The following UBAP1 variants were observed in gnomAD, a reference collection of about 807,000 sequenced individuals.
UBAP1 encodes ubiquitin associated protein 1.
A neutral mutation model predicts 39.0 loss-of-function variants in UBAP1; 5 were observed. That is an observed-to-expected ratio of 0.13 (90% CI 0.07 to 0.27). The LOEUF (loss-of-function observed/expected upper bound fraction) is 0.27, where lower values mean the gene tolerates loss of function less well. Ranked by LOEUF, UBAP1 falls within the 10% of genes least tolerant of loss-of-function variation. UBAP1 has a pLI of 1.00. For synonymous variants in UBAP1, 211 were observed against 225.1 expected, an observed-to-expected ratio of 0.94 and a Z score of 0.56; for missense variants, 490 against 608.1, an observed-to-expected ratio of 0.81 and a Z score of 2.04.
At chr9:34,249,678 C>T in intron 4 of UBAP1, 101 bp from the exon 5 acceptor site, 1 of 1,150,676 alleles carries the variant, frequency 8.7e-7, no homozygotes, top group Non-Finnish European at 1.3e-6. Flanking sequence ...TTTCTTGGGG[C>T]TTGAATAGTG....
intron 1 of UBAP1, chr9:34,191,907 G>A (rs1830742751): frequency 6.6e-6 from 1 of 151,194 alleles, no homozygotes; most frequent in Admixed American, 6.6e-5. Context: ...AAGTGGATTT[G>A]TGAACAAAAA....
chr9:34,249,825 G>A lies in UBAP1; in HGVS notation c.1130G>A (p.Ser377Asn). ...GTGTCACAAGTGCCCAACATGCCCA[G>A]CTGTCCCCAGGCCTATTCTGAACTG... Reference protein sequence around the residue: ...FSVSQVPNMPSCPQAYSELQM... With the variant: ...FSVSQVPNMPNCPQAYSELQM... Residue 377 changes from serine (S) to asparagine (N), a missense_variant, in exon 5 of 7, where the codon AGC becomes AAC. Ser to Asn is a conservative substitution (Grantham distance 46, BLOSUM62 1). This residue lies in a region of UBAP1 where 339 missense variants were observed against 390.0 expected (regional missense o/e 0.87). Coordinates refer to ENST00000297661, the MANE Select transcript of UBAP1 (RefSeq NM_016525.5). 1.2e-6 allele frequency: 2 copies of A among 1,614,182 alleles called. No individual in the cohort carries two copies. Among genetic ancestry groups the A allele is most frequent in the East Asian group, 2.2e-5 (1 of 44,882 alleles).
At chr9:34,180,662 CTG>C (rs1230152330) in intron 1 of UBAP1, among the ~76,000 whole-genome samples, 1 of 152,026 alleles carries the variant, frequency 6.6e-6, no homozygotes, top group Non-Finnish European at 1.5e-5. Context: ...TAAATAGCTA[CTG>C]TGTGTTGCAA....
chr9:34,179,542 C>CT (rs1206745444), intron 1 of UBAP1, among the ~76,000 whole-genome samples: 1 of 151,926 alleles, frequency 6.6e-6, no homozygotes, highest in Non-Finnish European at 1.5e-5. Flanking sequence ...TCGGGCTGGA[C>CT]TGAGAACTCG....
chr9:34,200,528 T>G (rs1452204682), intron 1 of UBAP1, among the ~76,000 whole-genome samples: 1 of 152,240 alleles, frequency 6.6e-6, no homozygotes, highest in Non-Finnish European at 1.5e-5. Flanking sequence ...GCCAACCTGA[T>G]CTAAACTTTT....
chr9:34,211,058 A>G (rs1378046950), intron 1 of UBAP1, among the ~76,000 whole-genome samples: 1 of 152,110 alleles, frequency 6.6e-6, no homozygotes, highest in Non-Finnish European at 1.5e-5. Context: ...GCTAGCTTTT[A>G]ATTTTGTCAA....
intron 1 of UBAP1, among the ~76,000 whole-genome samples, chr9:34,195,171 A>T (rs1393725485): frequency 6.6e-6 from 1 of 151,646 alleles, no homozygotes; most frequent in African/African-American, 2.4e-5. Context: ...GTGTCTTATA[A>T]GAAGTTTTTG....
chr9:34,241,658 T>G lies in UBAP1; in HGVS notation c.633T>G (p.Asp211Glu). ...GAGGCTCTGGGTCTGTGTTACAGGA[T>G]GAGGAGGTCCTGGCATCCTTGGAAC... ...PRGGSGSVLQ[D>E]EEVLASLERA... The change falls in exon 4 of 7, where the codon GAT becomes GAG. Residue 211 changes from aspartate to glutamate, a missense_variant. Physicochemically the swap from Asp to Glu is conservative, Grantham distance 45. Coordinates refer to ENST00000297661, the MANE Select transcript of UBAP1 (RefSeq NM_016525.5). The G allele has an allele frequency of 6.2e-7, 1 of 1,614,078 alleles. No individual in the cohort carries two copies. The highest frequency in any genetic ancestry group is 8.5e-7 in the Non-Finnish European group (1 of 1,180,012).
chr9:34,214,650 TTA>T (rs1407572871), intron 1 of UBAP1, among the ~76,000 whole-genome samples: 2 of 152,170 alleles, frequency 1.3e-5, no homozygotes, highest in Admixed American at 6.6e-5. Flanking sequence ...TGGGACCCAA[TTA>T]AGCTAAAGAG....
intron 1 of UBAP1, among the ~76,000 whole-genome samples, chr9:34,216,553 C>T (rs543475199): frequency 4.0e-5 from 6 of 150,894 alleles, no homozygotes; most frequent in African/African-American, 9.7e-5. Context: ...TGCAGTGGTG[C>T]GATCATAGCT....
Position 34,235,489 on chromosome 9 carries a change from C to T in UBAP1, c.159+1149C>T, listed in dbSNP as rs538278148. ...GAGTAGCTGGGACTACAGGCGCCCG[C>T]CACCATGCCTGGCTAATTTTTTGTA... On this transcript the variant is annotated intron_variant, in intron 3 of 6. Coordinates refer to ENST00000297661, the MANE Select transcript of UBAP1 (RefSeq NM_016525.5). 1.5e-4 allele frequency among the ~76,000 whole-genome samples: 23 copies of T among 152,212 alleles called. No homozygotes were observed. In the Middle Eastern group the frequency reaches 0.01, roughly 68 times the overall value.
At chr9:34,187,830 TAAA>T (rs1039835295) in intron 1 of UBAP1, among the ~76,000 whole-genome samples, 3 of 145,838 alleles carry the variant, frequency 2.1e-5, no homozygotes, top group Non-Finnish European at 4.5e-5. Flanking sequence ...TTGCTTTTTT[TAAA>T]AAAAAAAACA....
intron 2 of UBAP1, among the ~76,000 whole-genome samples, chr9:34,230,683 C>G (rs1563914122): frequency 6.6e-6 from 1 of 152,034 alleles, no homozygotes. Context: ...GTAATCAACA[C>G]TTAGTTTTGT....
At chr9:34,234,471 A>G (rs1833579813) in intron 3 of UBAP1, 131 bp downstream of exon 3, 4 of 1,015,800 alleles carry the variant, frequency 3.9e-6, no homozygotes, top group Middle Eastern at 3.3e-4. Context: ...GACCACATAT[A>G]CAATGGTGGT....
At chr9:34,225,884 T>C (rs1833022764) in intron 2 of UBAP1, among the ~76,000 whole-genome samples, 5 of 151,986 alleles carry the variant, frequency 3.3e-5, no homozygotes, top group Admixed American at 6.6e-5. Flanking sequence ...GTGTTGAGAC[T>C]CTAATTTATG....
At chr9:34,231,631 T>G (rs1306953258) in intron 2 of UBAP1, among the ~76,000 whole-genome samples, 4 of 132,526 alleles carry the variant, frequency 3.0e-5, no homozygotes, top group Admixed American at 7.7e-5. Flanking sequence ...ACTCAAAATT[T>G]TTTTGTTTTT....
chr9:34,251,225 A>T (rs1394377751), intron 6 of UBAP1, among the ~76,000 whole-genome samples, 167 bp from the exon 7 acceptor site: 2 of 152,112 alleles, frequency 1.3e-5, no homozygotes, highest in African/African-American at 4.8e-5. Flanking sequence ...CTTCCACCAC[A>T]GCCCACCTCT....
At chr9:34,202,957 A>C (rs1003211445) in intron 1 of UBAP1, among the ~76,000 whole-genome samples, 1 of 152,096 alleles carries the variant, frequency 6.6e-6, no homozygotes, top group African/African-American at 2.4e-5. Context: ...ATTGGGACTC[A>C]AATAAGGTCT....
At chr9:34,213,449 T>TA (rs1198309370) in intron 1 of UBAP1, among the ~76,000 whole-genome samples, 1 of 151,956 alleles carries the variant, frequency 6.6e-6, no homozygotes, top group Non-Finnish European at 1.5e-5. Flanking sequence ...AGGTGGAAGT[T>TA]GCAGTGAGCC....
Sources: allele counts gnomAD v4.1 joint callset (sites outside exome capture counted in the v4.1 genomes callset), GRCh38; gene constraint gnomAD v4.1.1; regional missense constraint gnomAD v4.1.1; transcripts MANE v1.5; gene names NCBI Gene and HGNC (gene_info 2026-07-23, HGNC 2026-07-21).